AGBL1: variants seen among roughly 807,000 people sequenced by gnomAD.
AGBL1 encodes AGBL carboxypeptidase 1, also known as cytosolic carboxypeptidase 4.
In AGBL1, 130 loss-of-function variants were observed where a neutral mutation model predicts 118.9. That is an observed-to-expected ratio of 1.09 (90% CI 0.95 to 1.26). AGBL1 has a LOEUF of 1.26. Ranked by LOEUF, AGBL1 falls within the 50% of genes most tolerant of loss-of-function variation. The pLI, the probability that AGBL1 is intolerant of heterozygous loss-of-function variation, is 0.00. For missense variants in AGBL1, 1,584 were observed against 1,298.1 expected (o/e 1.22, Z -3.38); for synonymous variants, 555 against 478.9 (o/e 1.16, Z -2.08).
intron 22 of AGBL1, among the ~76,000 whole-genome samples, chr15:86,796,542 G>A (rs560328420): frequency 1.1e-4 from 17 of 152,182 alleles, no homozygotes; most frequent in Non-Finnish European, 2.1e-4. Context: ...AGTGGCCCAA[G>A]ATTTAGCTAT....
chr15:86,785,848 G>A (rs1185595916), intron 22 of AGBL1, among the ~76,000 whole-genome samples: 1 of 152,132 alleles, frequency 6.6e-6, no homozygotes, highest in East Asian at 1.9e-4. Flanking sequence ...TTTCTAGTGG[G>A]GTACAGAGGG....
intron 18 of AGBL1, among the ~76,000 whole-genome samples, chr15:86,432,710 T>A (rs1235816071): frequency 6.6e-6 from 1 of 152,246 alleles, no homozygotes; most frequent in African/African-American, 2.4e-5. Context: ...ATAAAGGAGC[T>A]TAGATAAAAG....
chr15:86,132,229 G>C (rs994352978), intron 1 of AGBL1, among the ~76,000 whole-genome samples: 1 of 152,138 alleles, frequency 6.6e-6, no homozygotes, highest in Non-Finnish European at 1.5e-5. Context: ...GCTGGGTAGA[G>C]GACAAGGAAA....
At chr15:87,003,835 A>G (rs2081467729) in intron 24 of AGBL1, among the ~76,000 whole-genome samples, 1 of 152,100 alleles carries the variant, frequency 6.6e-6, no homozygotes, top group Non-Finnish European at 1.5e-5. Context: ...CCGCTTTATC[A>G]TTTTTTATTG....
At chr15:86,760,650 C>G (rs1295695126) in intron 22 of AGBL1, among the ~76,000 whole-genome samples, 1 of 152,096 alleles carries the variant, frequency 6.6e-6, no homozygotes, top group Non-Finnish European at 1.5e-5. Flanking sequence ...CTCCTGTTTT[C>G]CCCTCTGCAA....
chr15:86,593,262 T>C (rs720737), intron 21 of AGBL1, among the ~76,000 whole-genome samples: 50,518 of 151,768 alleles, frequency 0.33, 9,683 homozygotes, highest in Middle Eastern at 0.44. Context: ...TCTGTCCAAC[T>C]TGTGGAATCA....
intron 4 of AGBL1, among the ~76,000 whole-genome samples, chr15:86,156,579 G>A (rs142417918): frequency 7.6e-4 from 115 of 152,216 alleles, no homozygotes; most frequent in African/African-American, 2.7e-3. Flanking sequence ...GGTAGATGGG[G>A]TGAATGGGAG....
chr15:86,345,538 A>G (rs1182186857), intron 17 of AGBL1, among the ~76,000 whole-genome samples: 2 of 152,248 alleles, frequency 1.3e-5, no homozygotes, highest in Non-Finnish European at 2.9e-5. Flanking sequence ...GTAAGGAAGC[A>G]GTCAAGGGAG....
chr15:86,196,114 G>T (rs1441956900), intron 5 of AGBL1, among the ~76,000 whole-genome samples: 1 of 152,078 alleles, frequency 6.6e-6, no homozygotes, highest in Non-Finnish European at 1.5e-5. Context: ...TTTTTTCAGA[G>T]ATCTACTTTA....
At chr15:86,675,769 T>A (rs2085832793) in intron 22 of AGBL1, among the ~76,000 whole-genome samples, 1 of 152,190 alleles carries the variant, frequency 6.6e-6, no homozygotes, top group Non-Finnish European at 1.5e-5. Flanking sequence ...GGATTTTCTT[T>A]CCTTCTTTCT....
intron 18 of AGBL1, among the ~76,000 whole-genome samples, chr15:86,455,619 G>T (rs965243829): frequency 2.0e-5 from 3 of 152,014 alleles, no homozygotes; most frequent in Non-Finnish European, 2.9e-5. Context: ...CATAAAATTT[G>T]GCTTTCTTTT....
chr15:86,490,084 G>A (rs972471496), intron 18 of AGBL1, among the ~76,000 whole-genome samples: 59 of 152,130 alleles, frequency 3.9e-4, no homozygotes, highest in African/African-American at 1.3e-3. Context: ...AAAGTGCTTC[G>A]GAGGGCCCAT....
At chr15:86,802,355 G>A (rs1032585307) in intron 22 of AGBL1, among the ~76,000 whole-genome samples, 1 of 150,882 alleles carries the variant, frequency 6.6e-6, no homozygotes. Context: ...ATTCACCATT[G>A]TAACCCCAGT....
intron 22 of AGBL1, among the ~76,000 whole-genome samples, chr15:86,799,869 A>T (rs1302800568): frequency 3.3e-5 from 5 of 152,148 alleles, no homozygotes; most frequent in Non-Finnish European, 7.4e-5. Context: ...TCAAAGATTA[A>T]TTACCATGTA....
At chr15:86,733,274 C>T (rs975606762) in intron 22 of AGBL1, among the ~76,000 whole-genome samples, 6 of 152,128 alleles carry the variant, frequency 3.9e-5, no homozygotes, top group African/African-American at 1.4e-4. Flanking sequence ...AATCTGAAGA[C>T]CCAAAAACAG....
At chr15:86,245,759 G>A (rs573953563) in intron 6 of AGBL1, among the ~76,000 whole-genome samples, 2 of 152,334 alleles carry the variant, frequency 1.3e-5, no homozygotes, top group South Asian at 4.1e-4. Flanking sequence ...TCCCTGCTGG[G>A]TGGGCTTCCG....
intron 6 of AGBL1, among the ~76,000 whole-genome samples, chr15:86,236,952 C>T (rs145140109): frequency 9.7e-5 from 1 of 10,314 alleles, no homozygotes. Flanking sequence ...CGGGGGGGGG[C>T]GGGGGGGCGC....
intron 22 of AGBL1, among the ~76,000 whole-genome samples, chr15:86,747,171 G>A (rs1239122506): frequency 6.6e-6 from 1 of 151,992 alleles, no homozygotes; most frequent in African/African-American, 2.4e-5. Context: ...ATGATTTCAT[G>A]CTGCTTTTCC....
At position 86,469,912 on chromosome 15, in the gene AGBL1, T is replaced by TA. The variant is rs539847062; in HGVS notation, c.2556-52892dup. On this transcript the variant is annotated intron_variant, in intron 18 of 22. Transcript: ENST00000614907. ...TGTCTATTTAGGTCCTTTTGCCATTTAAAAAATCAGGTTACTTGTTTCTTG... is the reference window on the plus strand; with the variant it reads ...TGTCTATTTAGGTCCTTTTGCCATTTAAAAAAATCAGGTTACTTGTTTCTTG... 2.7e-3 allele frequency among the ~76,000 whole-genome samples: 412 copies of TA among 152,278 alleles called. 3 individuals carry two copies. The highest frequency in any genetic ancestry group is 7.5e-3 in the African/African-American group (310 of 41,576).
Sources: gnomAD v4.1 joint callset for allele counts (sites outside exome capture counted in the v4.1 genomes callset) on GRCh38, gnomAD v4.1.1 for gene constraint, MANE v1.5 for transcripts, NCBI Gene and HGNC (gene_info 2026-07-23, HGNC 2026-07-21) for gene names.